The following EXOC6B variants were observed in gnomAD, a reference collection of about 807,000 sequenced individuals.
EXOC6B encodes SEC15 homolog B.
In EXOC6B, 54 loss-of-function variants were observed where a neutral mutation model predicts 113.5. The observed-to-expected ratio is 0.48, with a 90% CI of 0.38 to 0.60. EXOC6B has a LOEUF of 0.60. Among genes scored for constraint, EXOC6B ranks in the 20% least tolerant of loss-of-function variants. The pLI is 0.00. For synonymous variants in EXOC6B, 357 were observed against 339.0 expected, an observed-to-expected ratio of 1.05 and a Z score of -0.58; for missense variants, 797 against 977.5, an observed-to-expected ratio of 0.82 and a Z score of 2.46.
At chr2:72,629,144 G>A (rs1180121264) in intron 6 of EXOC6B, among the ~76,000 whole-genome samples, 8 of 152,032 alleles carry the variant, frequency 5.3e-5, no homozygotes, top group Admixed American at 5.2e-4. Context: ...TCTATTTTCT[G>A]TCCCCAAAGA....
In EXOC6B at chr2:72,498,427, C is replaced by T. The variant is rs533346847; in HGVS notation, c.1337+27G>A. ...GTACACTAATGTACATGAACACACA[C>T]ACATATGACTATAGATAATTTCTCA... On this transcript the variant is annotated intron_variant, in intron 13 of 21. Transcript: ENST00000272427. 4.0e-6 allele frequency: 6 copies of T among 1,511,114 alleles called. No homozygotes were observed. The South Asian group carries it at 5.8e-5, about 15-fold the overall frequency. The allele number at this position is 1,511,114 out of a possible 1,614,324, so 93.6% of individuals were successfully genotyped here. A position where few individuals can be genotyped will look rare whatever the true frequency, so the allele number is the denominator to read the frequency against.
intron 6 of EXOC6B, among the ~76,000 whole-genome samples, chr2:72,690,356 A>C (rs1677396559): frequency 6.6e-6 from 1 of 152,220 alleles, no homozygotes; most frequent in East Asian, 1.9e-4. Flanking sequence ...ATTAAGCAGA[A>C]TATCTTACTT....
chr2:72,612,686 G>A (rs13415793), intron 6 of EXOC6B, among the ~76,000 whole-genome samples: 8 of 152,288 alleles, frequency 5.3e-5, no homozygotes, highest in South Asian at 2.1e-4. Flanking sequence ...CTGGATTTGC[G>A]TGCCTGAGCA....
At chr2:72,685,895 AAGG>A (rs1335295848) in intron 6 of EXOC6B, among the ~76,000 whole-genome samples, 1 of 152,212 alleles carries the variant, frequency 6.6e-6, no homozygotes, top group Non-Finnish European at 1.5e-5. Context: ...TTGGCTTAAG[AAGG>A]AGAACAGAAT....
At chr2:72,706,402 C>T (rs768342125) in intron 6 of EXOC6B, among the ~76,000 whole-genome samples, 11 of 152,194 alleles carry the variant, frequency 7.2e-5, no homozygotes, top group Non-Finnish European at 1.5e-4. Flanking sequence ...CAAGGTCTCA[C>T]TCTGTCACCC....
chr2:72,284,297 C>T (rs1177068446), intron 20 of EXOC6B, among the ~76,000 whole-genome samples: 1 of 152,052 alleles, frequency 6.6e-6, no homozygotes, highest in Non-Finnish European at 1.5e-5. Flanking sequence ...GGATTTATCC[C>T]AGGTATGCAA....
At chr2:72,470,699 G>T (rs1051007283) in intron 17 of EXOC6B, among the ~76,000 whole-genome samples, 102 of 146,824 alleles carry the variant, frequency 6.9e-4, no homozygotes, top group African/African-American at 2.6e-3. Flanking sequence ...TTCCCACCTA[G>T]GAGTGAGAAC....
intron 8 of EXOC6B, among the ~76,000 whole-genome samples, chr2:72,540,675 C>G (rs1410750287): frequency 6.6e-6 from 1 of 152,134 alleles, no homozygotes; most frequent in African/African-American, 2.4e-5. Flanking sequence ...AGAGGATTCA[C>G]TCTAGAACAG....
chr2:72,674,558 G>A (rs995893799), intron 6 of EXOC6B, among the ~76,000 whole-genome samples: 30 of 152,142 alleles, frequency 2.0e-4, no homozygotes, highest in African/African-American at 6.8e-4. Context: ...CAGGCCGGGC[G>A]CGGTGGCTCA....
In EXOC6B at chr2:72,199,501, C is replaced by T. The variant is rs561135551; in HGVS notation, c.2197-15314G>A. Among the ~76,000 whole-genome samples, 13 of 152,248 alleles carry T rather than the reference C, an allele frequency of 8.5e-5. No individual in the cohort carries two copies. The East Asian group carries it at 9.7e-4, about 11-fold the overall frequency. ...TATAGGCAGAGGGTAAGGCTGGCTA[C>T]GGGCCTCTGGCAGGTTTCAATGACC... On this transcript the variant is annotated intron_variant, in intron 20 of 21. Coordinates refer to ENST00000272427, the MANE Select transcript of EXOC6B (RefSeq NM_015189.3).
intron 20 of EXOC6B, among the ~76,000 whole-genome samples, chr2:72,230,923 G>C (rs1366929420): frequency 6.6e-6 from 1 of 152,206 alleles, no homozygotes; most frequent in Non-Finnish European, 1.5e-5. Flanking sequence ...TTCCAGGTAT[G>C]TGTTGGAGAA....
rs1686859607 is a variant in EXOC6B, at chr2:72,825,663, C to T, written c.113+135G>A. ...CGGGGCTGCGAAGGGAGACCCGCCT[C>T]GCCCGGTATGCAGGGTCTCTCCGAA... On this transcript the variant is annotated intron_variant, in intron 1 of 21. Transcript: ENST00000272427. The surrounding 1 kb of genome is among the most constrained non-coding windows in gnomAD (Gnocchi z 4.4). The T allele has an allele frequency of 9.0e-7, 1 of 1,117,112 alleles. No homozygotes were observed. The highest frequency in any genetic ancestry group is 1.2e-6 in the Non-Finnish European group (1 of 841,098). 69.2% of individuals were successfully genotyped at this position (1,117,112 alleles called of 1,614,324 possible). A position where few individuals can be genotyped will look rare whatever the true frequency, so the allele number is the denominator to read the frequency against.
At chr2:72,193,874 G>T (rs941830204) in intron 20 of EXOC6B, among the ~76,000 whole-genome samples, 2 of 152,202 alleles carry the variant, frequency 1.3e-5, no homozygotes, top group African/African-American at 4.8e-5. Flanking sequence ...TAGATCAGAA[G>T]ATGGAAAACT....
intron 20 of EXOC6B, among the ~76,000 whole-genome samples, chr2:72,201,433 T>TA (rs35631526): frequency 0.29 from 43,803 of 150,822 alleles, 6,743 homozygotes; most frequent in African/African-American, 0.35. Context: ...TGAAATGATG[T>TA]AAAAAAAAAT....
intron 20 of EXOC6B, among the ~76,000 whole-genome samples, chr2:72,186,079 C>T (rs574305564): frequency 1.5e-4 from 23 of 152,262 alleles, no homozygotes; most frequent in African/African-American, 5.1e-4. Context: ...ATGAACTCAT[C>T]CTTTTTTATG....
At position 72,431,211 on chromosome 2, in the gene EXOC6B, A is replaced by G. The variant is rs116393094; in HGVS notation, c.1980+33949T>C. On this transcript the variant is annotated intron_variant, in intron 18 of 21. Transcript: ENST00000272427. ...TAAATATTATAATTTTAAGTAGAAT[A>G]CTCTTACCTAATATAGAAACTCTCA... 6.3e-3 allele frequency among the ~76,000 whole-genome samples: 952 copies of G among 152,266 alleles called. 12 individuals carry two copies. The highest frequency in any genetic ancestry group is 0.021 in the African/African-American group (873 of 41,550).
At chr2:72,417,559 C>G (rs528408294) in intron 18 of EXOC6B, among the ~76,000 whole-genome samples, 7 of 152,234 alleles carry the variant, frequency 4.6e-5, no homozygotes, top group African/African-American at 1.7e-4. Flanking sequence ...CAGATGTTAA[C>G]CTCTGTTATA....
At position 72,390,068 on chromosome 2, in the gene EXOC6B, G is replaced by C. The variant is rs553101835; in HGVS notation, c.1981-10198C>G. ...CCACTGCACCCCAGCCTGGGTGACA[G>C]AGCGAGACTCTGTCTCAACAACAAC... On this transcript the variant is annotated intron_variant, in intron 18 of 21. Transcript: ENST00000272427. Among the ~76,000 whole-genome samples, 6 of 152,248 alleles carry C rather than the reference G, an allele frequency of 3.9e-5. No homozygotes were observed. The East Asian group carries it at 1.2e-3, about 30-fold the overall frequency.
At chr2:72,807,305 G>C (rs370075685) in intron 1 of EXOC6B, among the ~76,000 whole-genome samples, 14 of 151,786 alleles carry the variant, frequency 9.2e-5, no homozygotes, top group African/African-American at 2.7e-4. Context: ...TGTTTTTGTT[G>C]ATTTTATCAA....
Sources: gnomAD v4.1 joint callset for allele counts (sites outside exome capture counted in the v4.1 genomes callset) on GRCh38, gnomAD v4.1.1 for gene constraint, Gnocchi (gnomAD v3.1) non-coding constraint, MANE v1.5 for transcripts, NCBI Gene and HGNC (gene_info 2026-07-23, HGNC 2026-07-21) for gene names.